The following GRK1 variants were observed in gnomAD, a reference collection of about 807,000 sequenced individuals.
GRK1 encodes G protein-coupled receptor kinase 1, also known as rhodopsin kinase GRK1.
A neutral mutation model predicts 41.7 loss-of-function variants in GRK1; 28 were observed. The ratio of observed to expected loss-of-function variants is 0.67; its 90% CI spans 0.50 to 0.92. The LOEUF (loss-of-function observed/expected upper bound fraction) is 0.92, where lower values mean the gene tolerates loss of function less well. GRK1 is among the 40% of genes least tolerant of loss of function. The probability of loss-of-function intolerance (pLI) is 0.00; values close to 1 mark genes in which losing one functional copy is unlikely to be tolerated. For synonymous variants in GRK1, 327 were observed against 286.7 expected, an observed-to-expected ratio of 1.14 and a Z score of -1.42; for missense variants, 703 against 671.2, an observed-to-expected ratio of 1.05 and a Z score of -0.52.
At chr13:113,734,977 C>T in intron 6 of GRK1, 91 bp from the exon 7 acceptor site, 4 of 1,282,766 alleles carry the variant, frequency 3.1e-6, no homozygotes, top group Admixed American at 2.8e-5. Context: ...CTTTGTGCAT[C>T]TGGGAGCCAT....
the GRK1 span, chr13:113,653,136 G>A: frequency 1.3e-6 from 2 of 1,556,306 alleles, no homozygotes; most frequent in Non-Finnish European, 8.7e-7. Flanking sequence ...TGCCCCCCGG[G>A]AAGGCCTTGC....
upstream of GRK1, among the ~76,000 whole-genome samples, chr13:113,665,745 G>A (rs2049813785): frequency 6.6e-6 from 1 of 150,612 alleles, no homozygotes; most frequent in African/African-American, 2.5e-5. Context: ...TGTCCCAGGT[G>A]TGTCCTACGT....
chr13:113,650,277 C>G, the GRK1 span: 2 of 840,774 alleles, frequency 2.4e-6, no homozygotes, highest in Non-Finnish European at 3.9e-6. The surrounding 1 kb of genome is among the most constrained non-coding windows in gnomAD (Gnocchi z 5.0). Flanking sequence ...GCAGAACGTT[C>G]CAGTCAGGAC....
At chr13:113,727,829 C>T (rs1221048405) in intron 4 of GRK1, among the ~76,000 whole-genome samples, 4 of 95,512 alleles carry the variant, frequency 4.2e-5, no homozygotes, top group Admixed American at 1.1e-4. Flanking sequence ...GTACCCATGG[C>T]GATGAGGAGT....
rs367840473 is a variant in GRK1, at chr13:113,733,341, C to G, written c.1396+256C>G. ...AAACACACTGGCCGCACTGGGGCCT[C>G]GAGACCCAAACCTTCCACCACGTCC... On this transcript the variant is annotated intron_variant, in intron 6 of 6. Coordinates refer to ENST00000335678, the MANE Select transcript of GRK1 (RefSeq NM_002929.3). Among the ~76,000 whole-genome samples, 10 of 152,348 alleles carry G rather than the reference C, an allele frequency of 6.6e-5. No individual in the cohort carries two copies. In the East Asian group the frequency reaches 1.9e-3, roughly 29 times the overall value.
upstream of GRK1, among the ~76,000 whole-genome samples, chr13:113,666,093 CTGTATCTCAGG>C (rs1209660410): frequency 7.0e-6 from 1 of 142,246 alleles, no homozygotes; most frequent in Non-Finnish European, 1.5e-5. Flanking sequence ...TGTGCACCAG[CTGTATCTCAGG>C]TGTGTCTCAG....
At chr13:113,652,606 G>A in the GRK1 span, 1 of 524,642 alleles carries the variant, frequency 1.9e-6, no homozygotes, top group East Asian at 3.6e-5. Context: ...AGGGGGCCCT[G>A]GCCTTGCAGA....
rs139808238 is a variant in GRK1 at position 113,728,894 on chromosome 13, C to T, written c.1070-2325C>T. On this transcript the variant is annotated intron_variant, in intron 4 of 6. Transcript: ENST00000335678. Reference sequence around the variant, plus strand: ...GGAACCACAAAAGGTGGACAAGGCCCGGCAGGTGGGCAAGCCTTAGCCAGA... The same window carrying T: ...GGAACCACAAAAGGTGGACAAGGCCTGGCAGGTGGGCAAGCCTTAGCCAGA... 3.8e-3 allele frequency among the ~76,000 whole-genome samples: 585 copies of T among 152,214 alleles called. 10 individuals carry two copies. Among genetic ancestry groups the T allele is most frequent in the African/African-American group, 0.013 (546 of 41,528 alleles).
At chr13:113,656,171 G>A in the GRK1 span, among the ~76,000 whole-genome samples, 11 of 152,282 alleles carry the variant, frequency 7.2e-5, no homozygotes, top group Middle Eastern at 0.01. Flanking sequence ...ACTGGATCAC[G>A]CCTGGTGCCT....
intron 4 of GRK1, 60 bp downstream of exon 4, chr13:113,723,217 T>C (rs1267142364): frequency 1.1e-5 from 7 of 654,352 alleles, no homozygotes; most frequent in Non-Finnish European, 2.0e-5. Flanking sequence ...TGTGTACATG[T>C]GTGTGCCTGT....
At chr13:113,733,668 TGCAC>T (rs1566699582) in intron 6 of GRK1, among the ~76,000 whole-genome samples, 21 of 90,220 alleles carry the variant, frequency 2.3e-4, no homozygotes, top group African/African-American at 1.1e-3. Context: ...TGTGCGTGTG[TGCAC>T]GTGTGTGCAT....
chr13:113,667,712 C>A lies in GRK1; in HGVS notation c.326C>A (p.Thr109Asn), dbSNP rs778552256. ...GACCTCCAGCCACAGAAGGCCCAGA[C>A]CATCCTGGCCCAGTACCTGGACCCC... ...DNDLQPQKAQTILAQYLDPQA... is the reference protein window; with the variant it reads ...DNDLQPQKAQNILAQYLDPQA... Residue 109 changes from threonine to asparagine, a missense_variant, in exon 1 of 7, where the codon ACC becomes AAC. Physicochemically the swap from Thr to Asn is moderately conservative, Grantham distance 65. Coordinates refer to ENST00000335678, the MANE Select transcript of GRK1 (RefSeq NM_002929.3). This position sits in a 1 kb window ranked among gnomAD's most constrained non-coding sequence, Gnocchi z 7.5. 1.9e-6 allele frequency: 3 copies of A among 1,613,744 alleles called. No individual in the cohort carries two copies. The highest frequency in any genetic ancestry group is 1.1e-5 in the South Asian group (1 of 91,094).
intron 6 of GRK1, among the ~76,000 whole-genome samples, chr13:113,733,892 TGTGTGTATGTGTGCATACA>T (rs779989606): frequency 3.3e-4 from 38 of 116,232 alleles, no homozygotes; most frequent in African/African-American, 9.0e-4. Context: ...CGTGTGTGCG[TGTGTGTATGTGTGCATACA>T]GTGTGCGTGT....
intron 6 of GRK1, among the ~76,000 whole-genome samples, chr13:113,733,808 TGC>T (rs568210293): frequency 0.013 from 1,553 of 115,718 alleles, 65 homozygotes; most frequent in African/African-American, 0.044. Flanking sequence ...TGTATCTGTG[TGC>T]ATACGTGTGT....
chr13:113,727,890 GAGT>G (rs2049901294), intron 4 of GRK1, among the ~76,000 whole-genome samples: 2 of 89,216 alleles, frequency 2.2e-5, no homozygotes, highest in African/African-American at 7.2e-5. Flanking sequence ...TTGCGATGAG[GAGT>G]ACCCATGGCA....
chr13:113,655,029 C>G, the GRK1 span: 1 of 1,536,842 alleles, frequency 6.5e-7, no homozygotes, highest in Non-Finnish European at 8.8e-7. Context: ...CGTGATGTGG[C>G]GTGACCATCT....
At chr13:113,733,960 G>GTGTGTGCGTGTGTGCGCA (rs2049978046) in intron 6 of GRK1, among the ~76,000 whole-genome samples, 1 of 124,020 alleles carries the variant, frequency 8.1e-6, no homozygotes, top group African/African-American at 2.9e-5. Flanking sequence ...GTGTGCATAC[G>GTGTGTGCGTGTGTGCGCA]TGTGTGTGCG....
chr13:113,730,199 C>G, intron 4 of GRK1, among the ~76,000 whole-genome samples: 1 of 136,694 alleles, frequency 7.3e-6, no homozygotes, highest in South Asian at 2.6e-4. Flanking sequence ...TGCACCCAGA[C>G]CCGTCCCTCC....
chr13:113,665,078 C>G (rs1488518172), upstream of GRK1, among the ~76,000 whole-genome samples: 1 of 152,220 alleles, frequency 6.6e-6, no homozygotes, highest in Non-Finnish European at 1.5e-5. Flanking sequence ...GGTGCAGCCC[C>G]CAGTGCCCTC....
Sources: allele counts gnomAD v4.1 joint callset (sites outside exome capture counted in the v4.1 genomes callset), GRCh38; gene constraint gnomAD v4.1.1; non-coding constraint Gnocchi (gnomAD v3.1); transcripts MANE v1.5; gene names NCBI Gene and HGNC (gene_info 2026-07-23, HGNC 2026-07-21).